Variants in FYN observed in about 807,000 individuals in gnomAD.
FYN encodes the protein FYN proto-oncogene, Src family tyrosine kinase, also known as tyrosine-protein kinase Fyn.
FYN carries 10 observed loss-of-function variants against 70.2 expected under a neutral mutation model. The ratio of observed to expected loss-of-function variants is 0.14; its 90% CI spans 0.09 to 0.24. The LOEUF (loss-of-function observed/expected upper bound fraction) is 0.24, where lower values mean the gene tolerates loss of function less well. Among genes scored for constraint, FYN ranks in the 10% least tolerant of loss-of-function variants. FYN has a pLI of 1.00. For synonymous variants in FYN, 236 were observed against 248.6 expected (o/e 0.95, Z 0.48); for missense variants, 319 against 673.1 (o/e 0.47, Z 5.82).
chr6:111,713,237 G>A (rs550806191), intron 5 of FYN, among the ~76,000 whole-genome samples: 1 of 152,284 alleles, frequency 6.6e-6, no homozygotes, highest in Non-Finnish European at 1.5e-5. Flanking sequence ...CAAGGAGGCA[G>A]TTTTCAGGCC....
chr6:111,708,621 T>A (rs1314335854), intron 5 of FYN, among the ~76,000 whole-genome samples: 1 of 152,062 alleles, frequency 6.6e-6, no homozygotes, highest in Non-Finnish European at 1.5e-5. Flanking sequence ...GATGCTACAG[T>A]AGGATCACCT....
chr6:111,825,235 C>T (rs576652994), intron 2 of FYN, among the ~76,000 whole-genome samples: 32 of 152,206 alleles, frequency 2.1e-4, no homozygotes, highest in Non-Finnish European at 4.7e-4. Context: ...CATGTAGCTA[C>T]TGTACTTTCA....
intron 13 of FYN, among the ~76,000 whole-genome samples, chr6:111,672,099 G>C (rs1286616832): frequency 6.6e-6 from 1 of 152,166 alleles, no homozygotes; most frequent in East Asian, 1.9e-4. Flanking sequence ...CAGGCTCTCG[G>C]CCACCCTTCC....
At chr6:111,777,136 T>C (rs1345112320) in intron 3 of FYN, among the ~76,000 whole-genome samples, 1 of 152,198 alleles carries the variant, frequency 6.6e-6, no homozygotes, top group African/African-American at 2.4e-5. Context: ...AATGCTGGGA[T>C]CATGTTGTGT....
chr6:111,821,894 G>A (rs1452734704), intron 2 of FYN, among the ~76,000 whole-genome samples: 1 of 152,086 alleles, frequency 6.6e-6, no homozygotes, highest in East Asian at 1.9e-4. Context: ...CATCATCACT[G>A]GCCATCAGAG....
intron 2 of FYN, among the ~76,000 whole-genome samples, chr6:111,844,571 T>C (rs1161897062): frequency 2.0e-5 from 3 of 152,236 alleles, no homozygotes; most frequent in African/African-American, 7.2e-5. Flanking sequence ...GGTCATCAAC[T>C]ACTTGACTGA....
At chr6:111,695,081 C>T (rs147318834) in intron 10 of FYN, among the ~76,000 whole-genome samples, 2,339 of 152,262 alleles carry the variant, frequency 0.015, 123 homozygotes, top group Admixed American at 0.1. Context: ...TACAGCCCAG[C>T]TGAGTGGTCC....
chr6:111,753,850 G>A (rs553993284), intron 3 of FYN, among the ~76,000 whole-genome samples: 4 of 152,206 alleles, frequency 2.6e-5, no homozygotes, highest in African/African-American at 4.8e-5. Flanking sequence ...CAGAAACACT[G>A]AGAAACACAG....
intron 1 of FYN, among the ~76,000 whole-genome samples, chr6:111,860,691 C>T (rs765961061): frequency 6.6e-6 from 1 of 152,156 alleles, no homozygotes; most frequent in Non-Finnish European, 1.5e-5. Context: ...TGTCCCTTTC[C>T]CAGGAGCTGC....
intron 12 of FYN, among the ~76,000 whole-genome samples, chr6:111,678,483 G>A (rs749435572): frequency 6.6e-6 from 1 of 152,052 alleles, no homozygotes; most frequent in Non-Finnish European, 1.5e-5. Flanking sequence ...TGAAATAAGT[G>A]GTCACAAACT....
At chr6:111,767,297 T>C (rs9387034) in intron 3 of FYN, among the ~76,000 whole-genome samples, 25,521 of 152,140 alleles carry the variant, frequency 0.17, 4,792 homozygotes, top group African/African-American at 0.46. Flanking sequence ...AATCAAAACA[T>C]ACCATGCCAG....
At chr6:111,705,932 G>T (rs895978191) in intron 6 of FYN, among the ~76,000 whole-genome samples, 3 of 152,312 alleles carry the variant, frequency 2.0e-5, no homozygotes, top group Non-Finnish European at 1.5e-5. Flanking sequence ...ACAGGAGGGA[G>T]CCATCACGGT....
chr6:111,683,439 T>C (rs559748116), intron 12 of FYN, among the ~76,000 whole-genome samples: 2 of 152,298 alleles, frequency 1.3e-5, no homozygotes, highest in South Asian at 2.1e-4. Flanking sequence ...GCCAATTCCA[T>C]AGTCTCAGAG....
intron 12 of FYN, among the ~76,000 whole-genome samples, chr6:111,691,419 C>A (rs772446145): frequency 6.6e-6 from 1 of 152,200 alleles, no homozygotes; most frequent in Admixed American, 6.5e-5. Flanking sequence ...CGCCTGCATT[C>A]CCATAATCAA....
intron 3 of FYN, among the ~76,000 whole-genome samples, chr6:111,752,009 G>A (rs1802511408): frequency 6.6e-6 from 1 of 152,118 alleles, no homozygotes; most frequent in African/African-American, 2.4e-5. Context: ...AAATCAAGGA[G>A]TAATAAATTT....
chr6:111,811,149 A>G (rs958667504), intron 2 of FYN, among the ~76,000 whole-genome samples: 2 of 152,206 alleles, frequency 1.3e-5, no homozygotes, highest in Admixed American at 6.5e-5. Context: ...AGGAGCTGTT[A>G]ACTCTAGGAG....
At chr6:111,810,543 G>A (rs933592555) in intron 2 of FYN, among the ~76,000 whole-genome samples, 3 of 152,112 alleles carry the variant, frequency 2.0e-5, no homozygotes, top group Non-Finnish European at 2.9e-5. Context: ...ACCCAAACCC[G>A]CAAACTCTAA....
intron 9 of FYN, chr6:111,699,501 G>C (rs1799733752): frequency 6.2e-7 from 1 of 1,608,042 alleles, no homozygotes; most frequent in African/African-American, 1.3e-5. Flanking sequence ...AACAAAATGT[G>C]CCCTCTGCCT....
chr6:111,788,794 A>T (rs1771498497), intron 2 of FYN, among the ~76,000 whole-genome samples: 1 of 152,200 alleles, frequency 6.6e-6, no homozygotes, highest in African/African-American at 2.4e-5. Flanking sequence ...GAGGATGGGA[A>T]CTAGAAAATA....
Sources: allele counts gnomAD v4.1 joint callset (sites outside exome capture counted in the v4.1 genomes callset), GRCh38; gene constraint gnomAD v4.1.1; transcripts MANE v1.5; gene names NCBI Gene and HGNC (gene_info 2026-07-23, HGNC 2026-07-21).